Variants in ZNF704 observed in about 807,000 individuals in gnomAD.
The protein encoded by ZNF704 is zinc finger protein 704, also known as glucocorticoid induced gene 1.
A neutral mutation model predicts 44.7 loss-of-function variants in ZNF704; 10 were observed. That is an observed-to-expected ratio of 0.22 (90% CI 0.14 to 0.38). The LOEUF (loss-of-function observed/expected upper bound fraction) is 0.38, where lower values mean the gene tolerates loss of function less well. Ranked by LOEUF, ZNF704 falls within the 10% of genes least tolerant of loss-of-function variation. ZNF704 has a pLI of 1.00. For synonymous variants in ZNF704, 211 were observed against 207.6 expected (o/e 1.02, Z -0.14); for missense variants, 390 against 545.5 (o/e 0.71, Z 2.84).
chr8:80,791,334 T>G (rs1257145443), intron 2 of ZNF704, among the ~76,000 whole-genome samples: 1 of 152,226 alleles, frequency 6.6e-6, no homozygotes. Context: ...TAGCCATCCC[T>G]GTCCCTGCAG....
intron 2 of ZNF704, among the ~76,000 whole-genome samples, chr8:80,739,823 GC>G (rs1395052634): frequency 2.0e-5 from 3 of 152,170 alleles, no homozygotes; most frequent in Non-Finnish European, 4.4e-5. Context: ...GAAATAAGCC[GC>G]CCCCTCGTCC....
At chr8:80,662,319 A>C (rs893073182) in intron 6 of ZNF704, among the ~76,000 whole-genome samples, 2 of 152,178 alleles carry the variant, frequency 1.3e-5, no homozygotes, top group Non-Finnish European at 2.9e-5. Context: ...TATGCTGAAC[A>C]TTTATAATTT....
chr8:80,759,656 C>T (rs1263750291), intron 2 of ZNF704, among the ~76,000 whole-genome samples: 1 of 152,204 alleles, frequency 6.6e-6, no homozygotes, highest in African/African-American at 2.4e-5. Context: ...CTCAGACCAA[C>T]AACCCAAAAG....
chr8:80,824,282 A>G (rs546498246), intron 1 of ZNF704, among the ~76,000 whole-genome samples: 2 of 152,360 alleles, frequency 1.3e-5, no homozygotes, highest in East Asian at 3.9e-4. Flanking sequence ...TGACGCATGC[A>G]CAAGCTTCAG....
At chr8:80,746,462 T>C (rs1221799298) in intron 2 of ZNF704, among the ~76,000 whole-genome samples, 3 of 152,218 alleles carry the variant, frequency 2.0e-5, no homozygotes, top group Non-Finnish European at 4.4e-5. Context: ...GGGGATATTG[T>C]ACTGAATGTG....
intron 2 of ZNF704, among the ~76,000 whole-genome samples, chr8:80,743,920 T>C (rs919384928): frequency 1.3e-4 from 20 of 152,142 alleles, no homozygotes; most frequent in African/African-American, 4.1e-4. Flanking sequence ...TTTCCAATGA[T>C]CTCAAGACTT....
At chr8:80,685,764 A>T (rs1183640992) in intron 4 of ZNF704, among the ~76,000 whole-genome samples, 1 of 152,236 alleles carries the variant, frequency 6.6e-6, no homozygotes, top group Non-Finnish European at 1.5e-5. Flanking sequence ...ACTCAGAGAG[A>T]GTGCCCATAT....
intron 1 of ZNF704, among the ~76,000 whole-genome samples, chr8:80,849,590 T>C (rs994897829): frequency 2.0e-5 from 3 of 152,236 alleles, no homozygotes; most frequent in Admixed American, 2.0e-4. Flanking sequence ...TCTAGCTTAA[T>C]AGTATAAACT....
intron 2 of ZNF704, among the ~76,000 whole-genome samples, chr8:80,710,268 A>G (rs1818963558): frequency 6.7e-6 from 1 of 150,172 alleles, no homozygotes; most frequent in African/African-American, 2.5e-5. Flanking sequence ...CTTTAAATAA[A>G]TCATAATAGT....
At chr8:80,795,235 T>C (rs1401025030) in intron 2 of ZNF704, among the ~76,000 whole-genome samples, 2 of 152,230 alleles carry the variant, frequency 1.3e-5, no homozygotes, top group East Asian at 3.9e-4. Context: ...GAATGGAACC[T>C]GCCTTTTTCT....
intron 2 of ZNF704, among the ~76,000 whole-genome samples, chr8:80,695,175 G>T (rs1818705892): frequency 6.6e-6 from 1 of 152,230 alleles, no homozygotes; most frequent in South Asian, 2.1e-4. Flanking sequence ...TGAGTGTTTT[G>T]TTGGCTCAAT....
intron 2 of ZNF704, among the ~76,000 whole-genome samples, chr8:80,729,139 A>C (rs1323765133): frequency 3.3e-5 from 5 of 152,192 alleles, no homozygotes; most frequent in Admixed American, 6.5e-5. Context: ...TAAGGGAAAG[A>C]AAGAATGGGA....
Position 80,781,545 on chromosome 8 carries a change from G to A in ZNF704, c.221+39829C>T, listed in dbSNP as rs139968783. Among the ~76,000 whole-genome samples the A allele has an allele frequency of 2.6e-3, 393 of 152,302 alleles. 1 individual carries two copies. Among genetic ancestry groups the A allele is most frequent in the African/African-American group, 9.1e-3 (378 of 41,554 alleles). Reference sequence around the variant, plus strand: ...AGATTTGGTCTATGGGCCACAGTTTGCCAACCTCAGCTTAAAAGTGCTGCA... The same window carrying A: ...AGATTTGGTCTATGGGCCACAGTTTACCAACCTCAGCTTAAAAGTGCTGCA... On this transcript the variant is annotated intron_variant, in intron 2 of 8. Coordinates refer to ENST00000327835, the MANE Select transcript of ZNF704 (RefSeq NM_001033723.3).
intron 2 of ZNF704, among the ~76,000 whole-genome samples, chr8:80,729,445 C>G (rs1806538447): frequency 6.6e-6 from 1 of 152,128 alleles, no homozygotes; most frequent in Non-Finnish European, 1.5e-5. Context: ...AACCTACTGC[C>G]TGGCGTGCAG....
At chr8:80,882,964 G>A in the ZNF704 span, among the ~76,000 whole-genome samples, 1 of 151,064 alleles carries the variant, frequency 6.6e-6, no homozygotes, top group South Asian at 2.1e-4. Flanking sequence ...ATGGCCAGGT[G>A]TGGTGGCTCA....
At chr8:80,813,735 C>T (rs1378629168) in intron 2 of ZNF704, among the ~76,000 whole-genome samples, 2 of 152,014 alleles carry the variant, frequency 1.3e-5, no homozygotes, top group Non-Finnish European at 2.9e-5. Context: ...AAAAATTAGC[C>T]AGGCGTGGTG....
intron 2 of ZNF704, among the ~76,000 whole-genome samples, chr8:80,702,040 G>A (rs1000155038): frequency 2.6e-5 from 4 of 152,218 alleles, no homozygotes; most frequent in African/African-American, 9.7e-5. Context: ...TAGTAGGGAT[G>A]AATAGGTTGA....
intron 2 of ZNF704, among the ~76,000 whole-genome samples, chr8:80,693,661 T>A (rs1818678267): frequency 6.6e-6 from 1 of 151,908 alleles, no homozygotes; most frequent in South Asian, 2.1e-4. Flanking sequence ...GGGAAGTACA[T>A]CCCAAGCAGA....
At chr8:80,785,543 A>G (rs1293409503) in intron 2 of ZNF704, among the ~76,000 whole-genome samples, 1 of 152,226 alleles carries the variant, frequency 6.6e-6, no homozygotes, top group Non-Finnish European at 1.5e-5. Flanking sequence ...ATTTATTTAT[A>G]TACATACGGA....
Sources: allele counts gnomAD v4.1 joint callset (sites outside exome capture counted in the v4.1 genomes callset), GRCh38; gene constraint gnomAD v4.1.1; transcripts MANE v1.5; gene names NCBI Gene and HGNC (gene_info 2026-07-23, HGNC 2026-07-21).